Variants in PPFIA4 observed in about 807,000 individuals in gnomAD.
PPFIA4 encodes liprin-alpha-4.
A neutral mutation model predicts 145.7 loss-of-function variants in PPFIA4; 98 were observed. The observed-to-expected ratio is 0.67, with a 90% CI of 0.57 to 0.80. The LOEUF is 0.80. PPFIA4 is among the 30% of genes least tolerant of loss of function. The probability of loss-of-function intolerance (pLI) is 0.00; values close to 1 mark genes in which losing one functional copy is unlikely to be tolerated. For synonymous variants in PPFIA4, 628 were observed against 649.6 expected, an observed-to-expected ratio of 0.97 and a Z score of 0.51; for missense variants, 1,457 against 1,632.7, an observed-to-expected ratio of 0.89 and a Z score of 1.85.
At chr1:203,059,706 C>G (rs1376900713) in intron 20 of PPFIA4, 64 bp from the exon 21 acceptor site, 5 of 1,431,568 alleles carry the variant, frequency 3.5e-6, no homozygotes, top group Non-Finnish European at 9.7e-7. Context: ...CCAGTGGTCC[C>G]TGGAGCAAGA....
At position 203,063,902 on chromosome 1, in the gene PPFIA4, C is replaced by T. The variant is rs1661559577; in HGVS notation, c.2949C>T (p.Tyr983=). The change falls in exon 25 of 30, where the codon TAC becomes TAT. Residue 983 remains tyrosine, a synonymous_variant. Coordinates refer to ENST00000295706, the MANE Select transcript of PPFIA4 (RefSeq NM_001304331.2). Reference sequence around the variant, plus strand: ...TACCCAGCCTGGGGCTCCCGCAGTACCGCAGCTACTTCATGGAGTGCCTGG... The same window carrying T: ...TACCCAGCCTGGGGCTCCCGCAGTATCGCAGCTACTTCATGGAGTGCCTGG... ...EWLPSLGLPQ[Y]RSYFMECLVD... is the part of the protein sequence containing the mutation. 4 of 1,613,958 alleles carry T rather than the reference C, an allele frequency of 2.5e-6. No homozygotes were observed. The highest frequency in any genetic ancestry group is 3.4e-6 in the Non-Finnish European group (4 of 1,179,918).
rs773764303 is a variant in PPFIA4, at chr1:203,045,466, C to T, written c.765C>T (p.Thr255=). Residue 255 remains threonine, a synonymous_variant, in exon 7 of 30, where the codon ACC becomes ACT. Transcript: ENST00000295706. ...ARERLVTLTT[T]VTELEEDLGT... is the part of the protein sequence containing the mutation. ...AGCGACTGGTCACCCTAACAACAAC[C>T]GTGACTGAACTCGAGGAGGACCTGG... 2.1e-5 allele frequency: 33 copies of T among 1,609,500 alleles called. No homozygotes were observed. Among genetic ancestry groups the T allele is most frequent in the South Asian group, 1.2e-4 (11 of 90,246 alleles).
Position 203,055,639 on chromosome 1 carries a change from C to T in PPFIA4, c.2037C>T (p.Ala679=), listed in dbSNP as rs3736314. 258,081 of 1,613,794 alleles carry T rather than the reference C, an allele frequency of 0.16. 21,531 individuals are homozygous for T. Among genetic ancestry groups the T allele is most frequent in the African/African-American group, 0.22 (16,762 of 74,962 alleles). Residue 679 remains alanine (A), a synonymous_variant, in exon 16 of 30, where the codon GCC becomes GCT. Transcript: ENST00000295706. The surrounding 1 kb of genome is among the most constrained non-coding windows in gnomAD (Gnocchi z 4.8). ...CTAAGCTCACCTCCCGCAGTGCTGCCCAGGACCTGGACCGAATGGGGGTCA... is the reference window on the plus strand; with the variant it reads ...CTAAGCTCACCTCCCGCAGTGCTGCTCAGGACCTGGACCGAATGGGGGTCA... ...STPKLTSRSA[A]QDLDRMGVMT... is the part of the protein sequence containing the mutation.
At chr1:203,061,100 G>A in intron 23 of PPFIA4, 68 bp downstream of exon 23, 1 of 1,465,708 alleles carries the variant, frequency 6.8e-7, no homozygotes, top group Non-Finnish European at 9.6e-7. Flanking sequence ...GAGGATGAGG[G>A]GAAGGCTGTG....
Position 203,051,601 on chromosome 1 carries a change from G to C in PPFIA4, c.1512-168G>C, listed in dbSNP as rs753658279. ...CCCTGGAGCACCAGGGCATACGTCT[G>C]CTCTCTTGCTTACACGGCAGCCCTT... On this transcript the variant is annotated intron_variant, in intron 13 of 29. Transcript: ENST00000295706. 1.2e-5 allele frequency: 16 copies of C among 1,302,066 alleles called. No individual in the cohort carries two copies. The Middle Eastern group carries it at 1.7e-3, about 142-fold the overall frequency. 80.7% of individuals were successfully genotyped at this position (1,302,066 alleles called of 1,614,324 possible). A position where few individuals can be genotyped will look rare whatever the true frequency, so the allele number is the denominator to read the frequency against.
At position 203,044,692 on chromosome 1, in the gene PPFIA4, AC is replaced by A; in HGVS notation, c.577-3del. 6.4e-7 allele frequency: 1 copy of A among 1,551,670 alleles called. No individual in the cohort carries two copies. The highest frequency in any genetic ancestry group is 8.7e-7 in the Non-Finnish European group (1 of 1,147,786). On this transcript the variant is annotated splice_polypyrimidine_tract_variant and splice_region_variant and intron_variant, in intron 5 of 29. Transcript: ENST00000295706. ...CTCATTGCCCTGGGGCTTGTGCCCT[AC>A]AGGTGTCTGCCCTGCAGCAGGGGGC... is the stretch of plus-strand genomic sequence containing the variant.
intron 7 of PPFIA4, 118 bp downstream of exon 7, chr1:203,045,677 G>C (rs1160497742): frequency 6.9e-7 from 1 of 1,446,950 alleles, no homozygotes; most frequent in East Asian, 2.5e-5. Flanking sequence ...CTCCATTGTT[G>C]GGGGGCGGTC....
intron 1 of PPFIA4, among the ~76,000 whole-genome samples, chr1:203,028,173 G>A (rs1056390350): frequency 2.0e-5 from 3 of 152,190 alleles, no homozygotes; most frequent in African/African-American, 7.2e-5. Context: ...GGGGAGGAGG[G>A]TGTAGAAGGG....
chr1:203,045,603 G>A (rs771422771), intron 7 of PPFIA4, 44 bp downstream of exon 7: 57 of 1,509,650 alleles, frequency 3.8e-5, no homozygotes, highest in Non-Finnish European at 4.5e-5. Flanking sequence ...ATTGTGGAGC[G>A]TGTGGAGGGA....
At chr1:203,027,206 G>A (rs560218787) in intron 1 of PPFIA4, among the ~76,000 whole-genome samples, 1 of 152,198 alleles carries the variant, frequency 6.6e-6, no homozygotes, top group African/African-American at 2.4e-5. Context: ...GCCAACCCGA[G>A]GCCTGGTGGG....
chr1:203,044,717 G>C lies in PPFIA4; in HGVS notation c.598G>C (p.Ala200Pro), dbSNP rs542912164. The change falls in exon 6 of 30, where the codon GCA (alanine) becomes CCA (proline). Residue 200 changes from alanine (A) to proline (P), a missense_variant. This residue lies in a region of PPFIA4 where 463 missense variants were observed against 459.8 expected (regional missense o/e 1.01). Transcript: ENST00000295706. ...HQQVSALQQG[A>P]GVRDGAAEEE... The stretch of plus-strand genomic sequence containing the variant: ...ACAGGTGTCTGCCCTGCAGCAGGGG[G>C]CAGGGGTGCGGGATGGAGCGGCAGA... 1,803 of 1,560,368 alleles carry C rather than the reference G, an allele frequency of 1.2e-3. 35 individuals carry two copies. The South Asian group carries it at 0.02, about 18-fold the overall frequency.
rs772177131 is a variant in PPFIA4, at chr1:203,060,982, G to C, written c.2797G>C (p.Val933Leu). Residue 933 changes from valine to leucine, a missense_variant, in exon 23 of 30, where the codon GTC (valine) becomes CTC (leucine). By Grantham distance (32) the Val-to-Leu change is conservative. Coordinates refer to ENST00000295706, the MANE Select transcript of PPFIA4 (RefSeq NM_001304331.2). This position sits in a 1 kb window ranked among gnomAD's most constrained non-coding sequence, Gnocchi z 4.8. ...TCTCTGCCTGCAGTCTTCTGGGAAT[G>C]TCTGGGTCACCCATGAAGAGATGGA... ...PPTSRTSSGN[V>L]WVTHEEMETL... 1 of 1,614,032 alleles carries C rather than the reference G, an allele frequency of 6.2e-7. No individual in the cohort carries two copies. Among genetic ancestry groups the C allele is most frequent in the East Asian group, 2.2e-5 (1 of 44,884 alleles).
chr1:203,071,475 A>T (rs1477334207), intron 27 of PPFIA4, among the ~76,000 whole-genome samples: 1 of 111,412 alleles, frequency 9.0e-6, no homozygotes, highest in African/African-American at 3.7e-5. Flanking sequence ...ATGTTGTTCT[A>T]ATTTGCTGTA....
chr1:203,029,957 T>G (rs976183223), intron 1 of PPFIA4, among the ~76,000 whole-genome samples: 2 of 152,224 alleles, frequency 1.3e-5, no homozygotes, highest in African/African-American at 4.8e-5. Flanking sequence ...ATGAAATAGC[T>G]GATTTGATTT....
Position 203,060,828 on chromosome 1 carries a change from T to C in PPFIA4, c.2785-142T>C, listed in dbSNP as rs182034580. The C allele has an allele frequency of 1.7e-4, 125 of 728,642 alleles. No homozygotes were observed. In the African/African-American group the frequency reaches 2.0e-3, roughly 12 times the overall value. 45.1% of individuals were successfully genotyped at this position (728,642 alleles called of 1,614,324 possible). On this transcript the variant is annotated intron_variant, in intron 22 of 29. Transcript: ENST00000295706. The surrounding 1 kb of genome is among the most constrained non-coding windows in gnomAD (Gnocchi z 4.8). ...GCCCCTGGGGTGGAGTCTTTCATTG[T>C]CGGCCATCTCCATGATTGAGACCAG...
chr1:203,076,231 T>C, intron 29 of PPFIA4, 110 bp from the exon 30 acceptor site: 1 of 1,266,330 alleles, frequency 7.9e-7, no homozygotes, highest in Non-Finnish European at 1.1e-6. Context: ...TGGGGCGCTT[T>C]GCGCTTGGAG....
chr1:203,028,663 G>A (rs1229236926), intron 1 of PPFIA4, among the ~76,000 whole-genome samples: 1 of 152,052 alleles, frequency 6.6e-6, no homozygotes, highest in African/African-American at 2.4e-5. Context: ...GTGCACACGC[G>A]TGTGTGAGTG....
At chr1:203,039,298 A>G in intron 2 of PPFIA4, 56 bp downstream of exon 2, 2 of 1,337,010 alleles carry the variant, frequency 1.5e-6, no homozygotes, top group Non-Finnish European at 1.0e-6. Flanking sequence ...TAGCCCTGCT[A>G]GATCCACTGG....
At chr1:203,053,419 G>A (rs1009283450) in intron 14 of PPFIA4, among the ~76,000 whole-genome samples, 9 of 152,156 alleles carry the variant, frequency 5.9e-5, no homozygotes, top group African/African-American at 2.2e-4. Flanking sequence ...TGTAATCCTA[G>A]CTACTCGGGA....
Sources: allele counts gnomAD v4.1 joint callset (sites outside exome capture counted in the v4.1 genomes callset), GRCh38; gene constraint gnomAD v4.1.1; regional missense constraint gnomAD v4.1.1; non-coding constraint Gnocchi (gnomAD v3.1); transcripts MANE v1.5; gene names NCBI Gene and HGNC (gene_info 2026-07-23, HGNC 2026-07-21).